CENPK: variants seen among roughly 807,000 people sequenced by gnomAD.
The protein encoded by CENPK is centromere protein K.
In CENPK, 46 loss-of-function variants were observed where a neutral mutation model predicts 40.9. That is an observed-to-expected ratio of 1.13 (90% CI 0.89 to 1.44). The LOEUF is 1.44. Among genes scored for constraint, CENPK ranks in the 40% most tolerant of loss-of-function variants. CENPK has a pLI of 0.00. For synonymous variants in CENPK, 107 were observed against 104.4 expected, an observed-to-expected ratio of 1.02 and a Z score of -0.15; for missense variants, 288 against 303.5, an observed-to-expected ratio of 0.95 and a Z score of 0.38.
intron 3 of CENPK, among the ~76,000 whole-genome samples, chr5:65,554,498 A>AGGAGTCTTT (rs1214027889): frequency 2.4e-4 from 36 of 152,210 alleles, no homozygotes; most frequent in African/African-American, 8.2e-4. Flanking sequence ...ACTCCTGCTA[A>AGGAGTCTTT]GTATAGTCTT....
the CENPK span, among the ~76,000 whole-genome samples, chr5:65,505,256 G>A: frequency 1.8e-4 from 27 of 152,276 alleles, no homozygotes; most frequent in Middle Eastern, 0.01. Flanking sequence ...TGTTTCTGAT[G>A]AGATATATAA....
chr5:65,533,528 A>C (rs116820781), intron 6 of CENPK, among the ~76,000 whole-genome samples: 1 of 152,090 alleles, frequency 6.6e-6, no homozygotes, highest in Admixed American at 6.6e-5. Context: ...AAAGATGTCC[A>C]TTCTTACCGT....
chr5:65,549,285 G>A (rs999792052), intron 5 of CENPK, among the ~76,000 whole-genome samples: 3 of 152,008 alleles, frequency 2.0e-5, no homozygotes, highest in South Asian at 4.1e-4. Context: ...CAGGTGTACT[G>A]TCATCCAGGC....
At chr5:65,513,155 G>A (rs571743311), downstream of CENPK, among the ~76,000 whole-genome samples, 6 of 152,134 alleles carry the variant, frequency 3.9e-5, no homozygotes, top group South Asian at 2.1e-4. Context: ...TTCACAGAGC[G>A]GTTTTTAATT....
At chr5:65,532,664 C>T (rs552880657) in intron 6 of CENPK, among the ~76,000 whole-genome samples, 7 of 151,984 alleles carry the variant, frequency 4.6e-5, no homozygotes, top group African/African-American at 1.4e-4. Context: ...AATCCCAGGA[C>T]TTTCGGAGGC....
At chr5:65,552,570 A>C in intron 3 of CENPK, 21 bp from the exon 4 acceptor site, 1 of 1,477,324 alleles carries the variant, frequency 6.8e-7, no homozygotes, top group East Asian at 2.5e-5. Context: ...AAAGTAAAAA[A>C]AGGCAAGTCA....
chr5:65,540,159 T>C (rs929587644), intron 6 of CENPK, among the ~76,000 whole-genome samples: 14 of 152,244 alleles, frequency 9.2e-5, no homozygotes, highest in Non-Finnish European at 1.9e-4. Context: ...TTTTCAAACA[T>C]TTAAATTCAG....
At position 65,552,436 on chromosome 5, in the gene CENPK, C is replaced by G. The variant is rs191028228; in HGVS notation, c.168+57G>C. ...AAATACAGACACACATATTTATTTT[C>G]CAAAATACAATTAATTCCACTTACC... On this transcript the variant is annotated intron_variant, in intron 4 of 10. Coordinates refer to ENST00000396679, the MANE Select transcript of CENPK (RefSeq NM_022145.5). The G allele has an allele frequency of 2.4e-4, 270 of 1,125,578 alleles. 7 individuals carry two copies. In the East Asian group the frequency reaches 3.8e-3, roughly 16 times the overall value. The allele number at this position is 1,125,578 out of a possible 1,614,324, so 69.7% of individuals were successfully genotyped here.
At chr5:65,561,627 T>C in intron 1 of CENPK, 63 bp from the exon 2 acceptor site, 2 of 349,176 alleles carry the variant, frequency 5.7e-6, no homozygotes, top group East Asian at 7.7e-5. Context: ...CACTTAAGAG[T>C]TGAACTTTTC....
At chr5:65,498,586 T>C in the CENPK span, among the ~76,000 whole-genome samples, 2 of 151,660 alleles carry the variant, frequency 1.3e-5, no homozygotes, top group African/African-American at 4.8e-5. Flanking sequence ...ATATCTTCCT[T>C]CTCTTTCTTT....
chr5:65,548,140 T>C, intron 5 of CENPK, among the ~76,000 whole-genome samples: 1 of 152,172 alleles, frequency 6.6e-6, no homozygotes, highest in East Asian at 1.9e-4. Flanking sequence ...CAGGGATACT[T>C]TGGAGATAGT....
the CENPK span, among the ~76,000 whole-genome samples, chr5:65,497,014 G>A: frequency 7.2e-5 from 11 of 151,850 alleles, no homozygotes; most frequent in African/African-American, 2.7e-4. Flanking sequence ...CTAAGATCAC[G>A]CCACTGCACT....
intron 10 of CENPK, among the ~76,000 whole-genome samples, chr5:65,520,075 G>A (rs1743435053): frequency 6.6e-6 from 1 of 152,106 alleles, no homozygotes; most frequent in African/African-American, 2.4e-5. Flanking sequence ...CCCAATGTTG[G>A]AGGTGGAGCC....
chr5:65,546,943 T>A (rs1749106004), intron 5 of CENPK, among the ~76,000 whole-genome samples: 2 of 152,136 alleles, frequency 1.3e-5, no homozygotes, highest in Admixed American at 1.3e-4. Flanking sequence ...ATATAACACA[T>A]AAAAACAGAA....
intron 6 of CENPK, chr5:65,529,426 A>T (rs538257123): frequency 2.9e-5 from 12 of 415,930 alleles, no homozygotes; most frequent in Non-Finnish European, 8.5e-6. Context: ...GTAAATTTTA[A>T]TATCATATTG....
At chr5:65,503,818 G>A in the CENPK span, among the ~76,000 whole-genome samples, 1 of 151,694 alleles carries the variant, frequency 6.6e-6, no homozygotes, top group Non-Finnish European at 1.5e-5. Context: ...CACCACGCCT[G>A]GCTAATTTTT....
At chr5:65,518,827 T>C (rs1743183214) in intron 10 of CENPK, among the ~76,000 whole-genome samples, 194 bp from the exon 11 acceptor site, 1 of 152,138 alleles carries the variant, frequency 6.6e-6, no homozygotes, top group Non-Finnish European at 1.5e-5. Flanking sequence ...AAAGTGAATT[T>C]TTGCATCTTT....
the CENPK span, among the ~76,000 whole-genome samples, chr5:65,499,431 C>T: frequency 6.6e-6 from 1 of 151,592 alleles, no homozygotes; most frequent in Non-Finnish European, 1.5e-5. Context: ...TCCTTTCTCT[C>T]TCAATGCTTT....
intron 6 of CENPK, among the ~76,000 whole-genome samples, chr5:65,530,643 C>T (rs993576122): frequency 6.6e-6 from 1 of 152,180 alleles, no homozygotes; most frequent in Non-Finnish European, 1.5e-5. Context: ...ATGTATATTA[C>T]AAACCCTAAA....
Sources: allele counts gnomAD v4.1 joint callset (sites outside exome capture counted in the v4.1 genomes callset), GRCh38; gene constraint gnomAD v4.1.1; transcripts MANE v1.5; gene names NCBI Gene and HGNC (gene_info 2026-07-23, HGNC 2026-07-21).